Variants in TENM4 observed in about 807,000 individuals in gnomAD.
TENM4 encodes teneurin-4.
A neutral mutation model predicts 243.3 loss-of-function variants in TENM4; 82 were observed. That is an observed-to-expected ratio of 0.34 (90% CI 0.28 to 0.40). The LOEUF is 0.40. TENM4 is among the 10% of genes least tolerant of loss of function. TENM4 has a pLI of 1.00. For missense variants in TENM4, 3,138 were observed against 3,673.3 expected (o/e 0.85, Z 3.77); for synonymous variants, 1,412 against 1,456.3 (o/e 0.97, Z 0.69).
intron 3 of TENM4, among the ~76,000 whole-genome samples, chr11:79,193,975 G>A (rs1204454556): frequency 6.6e-6 from 1 of 152,088 alleles, no homozygotes; most frequent in Non-Finnish European, 1.5e-5. Context: ...ATCTCAGTTT[G>A]AATTGTATCT....
chr11:79,375,805 T>C (rs1327123945), intron 1 of TENM4, among the ~76,000 whole-genome samples: 1 of 150,958 alleles, frequency 6.6e-6, no homozygotes, highest in Non-Finnish European at 1.5e-5. Context: ...GGAATGGGAG[T>C]AAGAGTGTCG....
rs1863870030 is a variant in TENM4, at chr11:79,207,421, A to G, written c.-163+8387T>C. Among the ~76,000 whole-genome samples the G allele has an allele frequency of 3.3e-5, 5 of 152,160 alleles. No homozygotes were observed. The East Asian group carries it at 9.6e-4, about 29-fold the overall frequency. ...ACAACAACATTATTTTGTTATTACTACTATATCAATTATACACATAAAGTT... is the reference window on the plus strand; with the variant it reads ...ACAACAACATTATTTTGTTATTACTGCTATATCAATTATACACATAAAGTT... On this transcript the variant is annotated intron_variant, in intron 3 of 33. Transcript: ENST00000278550.
chr11:78,798,535 G>C (rs1213337467), intron 15 of TENM4, among the ~76,000 whole-genome samples: 1 of 152,194 alleles, frequency 6.6e-6, no homozygotes, highest in Non-Finnish European at 1.5e-5. Flanking sequence ...AGTCTGAAAG[G>C]GCAACAGTCA....
At chr11:78,927,312 T>C (rs975400603) in intron 6 of TENM4, among the ~76,000 whole-genome samples, 2 of 152,234 alleles carry the variant, frequency 1.3e-5, no homozygotes, top group Middle Eastern at 3.2e-3. Flanking sequence ...AAAGGACCAA[T>C]GATGTGTTAT....
intron 6 of TENM4, among the ~76,000 whole-genome samples, chr11:78,981,134 A>C (rs647746): frequency 6.6e-6 from 1 of 151,876 alleles, no homozygotes; most frequent in Non-Finnish European, 1.5e-5. Context: ...GATGATTTTT[A>C]TATCTCTATG....
intron 6 of TENM4, among the ~76,000 whole-genome samples, chr11:78,997,026 G>C (rs559472061): frequency 2.0e-5 from 3 of 152,184 alleles, no homozygotes; most frequent in African/African-American, 4.8e-5. Flanking sequence ...GTAAGCTGTA[G>C]GTCCTGTGCA....
chr11:79,380,902 G>T (rs949712607), intron 1 of TENM4, among the ~76,000 whole-genome samples: 2 of 152,180 alleles, frequency 1.3e-5, no homozygotes, highest in African/African-American at 4.8e-5. Flanking sequence ...AAGGCTTGGG[G>T]CTGTGTGACC....
At chr11:79,082,631 A>C (rs1860705035) in intron 4 of TENM4, among the ~76,000 whole-genome samples, 1 of 152,156 alleles carries the variant, frequency 6.6e-6, no homozygotes, top group South Asian at 2.1e-4. Flanking sequence ...TGCTCCATCT[A>C]GGGCTCCAAG....
chr11:79,437,407 G>T (rs545239630), intron 1 of TENM4, among the ~76,000 whole-genome samples: 2 of 152,108 alleles, frequency 1.3e-5, no homozygotes, highest in African/African-American at 2.4e-5. Flanking sequence ...GCCGGGCCGG[G>T]GACGGGAGAA....
At chr11:79,007,015 A>G (rs1352123410) in intron 6 of TENM4, among the ~76,000 whole-genome samples, 1 of 152,202 alleles carries the variant, frequency 6.6e-6, no homozygotes, top group Non-Finnish European at 1.5e-5. Flanking sequence ...CCTCCCCCAA[A>G]GAAGAGGAAA....
chr11:78,693,064 C>T (rs1291093225), intron 28 of TENM4, among the ~76,000 whole-genome samples: 1 of 152,114 alleles, frequency 6.6e-6, no homozygotes, highest in Non-Finnish European at 1.5e-5. Context: ...CAGAGGAGTA[C>T]CCAGCAGGTA....
chr11:79,259,461 T>G (rs576221569), intron 2 of TENM4, among the ~76,000 whole-genome samples: 1 of 152,180 alleles, frequency 6.6e-6, no homozygotes, highest in East Asian at 1.9e-4. Flanking sequence ...CTATCTATCT[T>G]CATCTACCCA....
intron 30 of TENM4, 115 bp from the exon 31 acceptor site, chr11:78,672,444 C>T: frequency 7.6e-6 from 8 of 1,052,028 alleles, no homozygotes; most frequent in Non-Finnish European, 1.1e-5. Flanking sequence ...GGAGGGAGCA[C>T]AGTCCTGCGC....
In TENM4 at chr11:78,701,822, G is replaced by A; in HGVS notation, c.4791C>T (p.Tyr1597=). 1.9e-6 allele frequency: 3 copies of A among 1,614,064 alleles called. No homozygotes were observed. Among genetic ancestry groups the A allele is most frequent in the Non-Finnish European group, 2.5e-6 (3 of 1,179,902 alleles). ...YLFDTTGKHL[Y]TQSLPTGDYL... ...AGTCTCCTGTGGGCAGGCTTTGGGT[G>A]TACAGGTGCTTGCCGGTGGTATCAA... Residue 1597 remains tyrosine, a synonymous_variant, in exon 28 of 34, where the codon TAC becomes TAT. Coordinates refer to ENST00000278550, the MANE Select transcript of TENM4 (RefSeq NM_001098816.3).
At chr11:78,953,665 T>C (rs1490155349) in intron 6 of TENM4, among the ~76,000 whole-genome samples, 10 of 152,230 alleles carry the variant, frequency 6.6e-5, no homozygotes, top group Admixed American at 5.2e-4. Flanking sequence ...TTCACATTGT[T>C]AAGTATTATA....
At chr11:79,050,204 C>G (rs573691517) in intron 6 of TENM4, among the ~76,000 whole-genome samples, 2 of 152,304 alleles carry the variant, frequency 1.3e-5, no homozygotes, top group South Asian at 2.1e-4. Flanking sequence ...ATAATAATGG[C>G]CAGGCTGCCA....
At chr11:78,891,207 A>G in intron 8 of TENM4, 31 bp downstream of exon 8, 1 of 1,546,850 alleles carries the variant, frequency 6.5e-7, no homozygotes, top group Non-Finnish European at 8.8e-7. Context: ...AGGAGAGCAC[A>G]CACAGAGAGG....
intron 5 of TENM4, chr11:79,068,228 G>A (rs1860315654): frequency 6.6e-6 from 1 of 152,334 alleles, no homozygotes; most frequent in Non-Finnish European, 1.5e-5. Context: ...GCCAGGTACT[G>A]GTGTCAAGTG....
At chr11:79,307,535 C>T (rs1043148883) in intron 1 of TENM4, among the ~76,000 whole-genome samples, 2 of 152,130 alleles carry the variant, frequency 1.3e-5, no homozygotes. Flanking sequence ...AAGCCATAGT[C>T]ATCTCTCAAC....
Sources: allele counts gnomAD v4.1 joint callset (sites outside exome capture counted in the v4.1 genomes callset), GRCh38; gene constraint gnomAD v4.1.1; transcripts MANE v1.5; gene names NCBI Gene and HGNC (gene_info 2026-07-23, HGNC 2026-07-21).